The following PPP2R2B variants were observed in gnomAD, a reference collection of about 807,000 sequenced individuals.
PPP2R2B encodes serine/threonine-protein phosphatase 2A 55 kDa regulatory subunit B beta isoform.
A neutral mutation model predicts 46.0 loss-of-function variants in PPP2R2B; 5 were observed. The ratio of observed to expected loss-of-function variants is 0.11; its 90% CI spans 0.06 to 0.23. The LOEUF (loss-of-function observed/expected upper bound fraction) is 0.23, where lower values mean the gene tolerates loss of function less well. Among genes scored for constraint, PPP2R2B ranks in the 10% least tolerant of loss-of-function variants. PPP2R2B has a pLI of 1.00. For synonymous variants in PPP2R2B, 215 were observed against 206.7 expected (o/e 1.04, Z -0.34); for missense variants, 367 against 575.0 (o/e 0.64, Z 3.70).
chr5:146,716,415 T>C lies in PPP2R2B; in HGVS notation c.71-15273A>G, dbSNP rs569345852. ...TCAATTTTGACTCTACTAAGCACAA[T>C]TAATGTTTGATGAATAAAAGAATGT... is the stretch of plus-strand genomic sequence containing the variant. On this transcript the variant is annotated intron_variant, in intron 2 of 9. Coordinates refer to ENST00000394411, the MANE Select transcript of PPP2R2B (RefSeq NM_181675.4). Among the ~76,000 whole-genome samples the C allele has an allele frequency of 8.0e-5, 12 of 150,216 alleles. No individual in the cohort carries two copies. In the South Asian group the frequency reaches 1.5e-3, roughly 18 times the overall value.
intron 1 of PPP2R2B, among the ~76,000 whole-genome samples, chr5:146,996,378 A>T (rs1753923188): frequency 6.6e-6 from 1 of 152,148 alleles, no homozygotes; most frequent in Admixed American, 6.5e-5. Context: ...AGGTTCTTCT[A>T]AGTCGTGTGA....
Position 146,617,339 on chromosome 5 carries a change from A to C in PPP2R2B, c.791-16879T>G, listed in dbSNP as rs539971586. The stretch of plus-strand genomic sequence containing the variant: ...TTATAGTCAATATTAATTTAATTGC[A>C]CATTTAAAAATAAAGGAGTATAACC... On this transcript the variant is annotated intron_variant, in intron 7 of 9. Coordinates refer to ENST00000394411, the MANE Select transcript of PPP2R2B (RefSeq NM_181675.4). Among the ~76,000 whole-genome samples, 11 of 152,348 alleles carry C rather than the reference A, an allele frequency of 7.2e-5. No homozygotes were observed. In the East Asian group the frequency reaches 2.1e-3, roughly 29 times the overall value.
intron 1 of PPP2R2B, among the ~76,000 whole-genome samples, chr5:146,920,795 G>T (rs918004075): frequency 7.2e-5 from 11 of 152,156 alleles, no homozygotes; most frequent in African/African-American, 2.4e-4. Context: ...AGGGGAGTGG[G>T]TGGGTACGTC....
chr5:147,025,457 T>C (rs971875643), intron 1 of PPP2R2B, among the ~76,000 whole-genome samples: 2 of 151,500 alleles, frequency 1.3e-5, no homozygotes, highest in African/African-American at 4.8e-5. Flanking sequence ...GCGAAGACAT[T>C]ACAAATAAAA....
At chr5:146,674,451 GAACA>G (rs1457767615) in intron 5 of PPP2R2B, among the ~76,000 whole-genome samples, 3 of 152,116 alleles carry the variant, frequency 2.0e-5, no homozygotes, top group African/African-American at 7.2e-5. Context: ...TCACAATTTT[GAACA>G]AACAATTATT....
intron 1 of PPP2R2B, among the ~76,000 whole-genome samples, chr5:146,892,671 A>T (rs930406394): frequency 2.0e-5 from 3 of 152,174 alleles, no homozygotes; most frequent in African/African-American, 7.2e-5. Flanking sequence ...ATGGCACAGA[A>T]TCAGTGTCTT....
chr5:146,912,820 G>GAATC (rs1554075745), intron 1 of PPP2R2B, among the ~76,000 whole-genome samples: 1 of 151,888 alleles, frequency 6.6e-6, no homozygotes, highest in African/African-American at 2.4e-5. Context: ...TTCAACTTTT[G>GAATC]ATTCATTCAT....
intron 1 of PPP2R2B, among the ~76,000 whole-genome samples, chr5:147,004,561 G>A (rs1754339584): frequency 6.6e-6 from 1 of 152,148 alleles, no homozygotes; most frequent in African/African-American, 2.4e-5. Context: ...CAGTTGTAAT[G>A]ACTTTGCTCT....
At chr5:146,932,405 G>C (rs550930250) in intron 1 of PPP2R2B, among the ~76,000 whole-genome samples, 1 of 152,230 alleles carries the variant, frequency 6.6e-6, no homozygotes, top group African/African-American at 2.4e-5. Flanking sequence ...TAAATCATGG[G>C]TGTGGTTACC....
intron 7 of PPP2R2B, among the ~76,000 whole-genome samples, chr5:146,605,759 T>C (rs1030649851): frequency 2.6e-5 from 4 of 152,260 alleles, no homozygotes; most frequent in African/African-American, 9.6e-5. Context: ...CACTCCATTT[T>C]ATTTTTATTT....
intron 2 of PPP2R2B, among the ~76,000 whole-genome samples, chr5:146,848,014 A>G (rs1760110087): frequency 6.6e-6 from 1 of 152,206 alleles, no homozygotes; most frequent in Non-Finnish European, 1.5e-5. Flanking sequence ...AGGATTTAAA[A>G]GACAAGTTAG....
chr5:146,682,232 G>C (rs192380740), intron 5 of PPP2R2B, among the ~76,000 whole-genome samples: 7 of 152,298 alleles, frequency 4.6e-5, no homozygotes. Flanking sequence ...AGGAGAGTCA[G>C]TACAAAGGCA....
chr5:146,656,046 C>T (rs965121849), intron 5 of PPP2R2B, among the ~76,000 whole-genome samples: 2 of 152,168 alleles, frequency 1.3e-5, no homozygotes, highest in Non-Finnish European at 2.9e-5. Context: ...ATTCATTCAA[C>T]AAATACTTAT....
chr5:146,842,876 AG>A (rs1172491784), intron 2 of PPP2R2B, among the ~76,000 whole-genome samples: 1 of 152,224 alleles, frequency 6.6e-6, no homozygotes, highest in Admixed American at 6.5e-5. Context: ...TTTGAAATGC[AG>A]TTTTTTTTCT....
chr5:147,018,153 G>A (rs1755101398), intron 1 of PPP2R2B, among the ~76,000 whole-genome samples: 1 of 151,940 alleles, frequency 6.6e-6, no homozygotes, highest in African/African-American at 2.4e-5. Context: ...AAAGAAAGGG[G>A]ACCTCAGAAA....
At chr5:147,058,377 G>A (rs186599310), upstream of PPP2R2B, among the ~76,000 whole-genome samples, 172 of 152,184 alleles carry the variant, frequency 1.1e-3, no homozygotes, top group African/African-American at 4.0e-3. Context: ...TAAATGGTAG[G>A]CACTTAGCGA....
chr5:146,737,987 C>T (rs1346341625), intron 2 of PPP2R2B, among the ~76,000 whole-genome samples: 1 of 151,786 alleles, frequency 6.6e-6, no homozygotes, highest in Non-Finnish European at 1.5e-5. Context: ...CCTACTCAGA[C>T]CTGGGGACTA....
chr5:146,812,724 T>TTATATATATATATATA (rs764543835), intron 2 of PPP2R2B, among the ~76,000 whole-genome samples: 1 of 15,074 alleles, frequency 6.6e-5, no homozygotes, highest in Non-Finnish European at 1.1e-4. Flanking sequence ...TAGAGTTACT[T>TTATATATATATATATA]TATATATATA....
chr5:146,967,960 C>T (rs752454104), intron 1 of PPP2R2B, among the ~76,000 whole-genome samples: 2 of 152,176 alleles, frequency 1.3e-5, no homozygotes, highest in Non-Finnish European at 2.9e-5. Context: ...TCAAAGACAG[C>T]CCACTCAGCT....
Sources: gnomAD v4.1 joint callset for allele counts (sites outside exome capture counted in the v4.1 genomes callset) on GRCh38, gnomAD v4.1.1 for gene constraint, MANE v1.5 for transcripts, NCBI Gene and HGNC (gene_info 2026-07-23, HGNC 2026-07-21) for gene names.